Variants in SUGCT observed in about 807,000 individuals in gnomAD.
SUGCT encodes the protein succinyl-CoA:glutarate-CoA transferase.
SUGCT carries 41 observed loss-of-function variants against 55.0 expected under a neutral mutation model. That is an observed-to-expected ratio of 0.74 (90% confidence interval 0.58 to 0.97). SUGCT has a LOEUF of 0.97. Ranked by LOEUF, SUGCT falls within the 50% of genes least tolerant of loss-of-function variation. The pLI, the probability that SUGCT is intolerant of heterozygous loss-of-function variation, is 0.00. For missense variants in SUGCT, 568 were observed against 547.8 expected, an observed-to-expected ratio of 1.04 and a Z score of -0.37; for synonymous variants, 187 against 200.4, an observed-to-expected ratio of 0.93 and a Z score of 0.56.
intron 12 of SUGCT, among the ~76,000 whole-genome samples, chr7:40,499,960 A>C (rs1792191127): frequency 6.6e-6 from 1 of 152,206 alleles, no homozygotes; most frequent in South Asian, 2.1e-4. Flanking sequence ...CACACTTAAA[A>C]GAAAATACAG....
chr7:40,939,632 T>A, the SUGCT span, among the ~76,000 whole-genome samples: 1 of 152,170 alleles, frequency 6.6e-6, no homozygotes. Flanking sequence ...ATGTCCCTGA[T>A]GATTAGTGAT....
chr7:40,324,976 C>T (rs1192964247), intron 9 of SUGCT, among the ~76,000 whole-genome samples: 2 of 152,198 alleles, frequency 1.3e-5, no homozygotes, highest in African/African-American at 4.8e-5. Flanking sequence ...AAAATAACAT[C>T]TTCCTTGTTC....
the SUGCT span, among the ~76,000 whole-genome samples, chr7:40,998,902 A>C: frequency 6.6e-6 from 1 of 152,252 alleles, no homozygotes; most frequent in South Asian, 2.1e-4. Context: ...CACTATGCAG[A>C]AAATGTGTTG....
intron 11 of SUGCT, among the ~76,000 whole-genome samples, chr7:40,459,601 A>G (rs1442770722): frequency 6.6e-6 from 1 of 152,170 alleles, no homozygotes; most frequent in Non-Finnish European, 1.5e-5. Context: ...CCTCATAATT[A>G]TCCTGTGAGG....
At chr7:40,810,024 C>T (rs1791321420) in intron 13 of SUGCT, among the ~76,000 whole-genome samples, 2 of 152,006 alleles carry the variant, frequency 1.3e-5, no homozygotes, top group Non-Finnish European at 2.9e-5. Flanking sequence ...TGATCTAATC[C>T]ATCTTTCATA....
chr7:41,012,455 T>C, the SUGCT span, among the ~76,000 whole-genome samples: 3 of 152,102 alleles, frequency 2.0e-5, no homozygotes, highest in African/African-American at 7.2e-5. Flanking sequence ...ACCTGTAAAA[T>C]AGGAACAATA....
At chr7:40,196,170 A>G (rs1786280382) in intron 6 of SUGCT, among the ~76,000 whole-genome samples, 1 of 152,180 alleles carries the variant, frequency 6.6e-6, no homozygotes, top group Non-Finnish European at 1.5e-5. Context: ...ATATGCATGT[A>G]TGTGTATGTT....
chr7:40,450,128 A>G (rs903010588), intron 10 of SUGCT, among the ~76,000 whole-genome samples: 5 of 152,164 alleles, frequency 3.3e-5, no homozygotes, highest in South Asian at 2.1e-4. Flanking sequence ...TGGTTTCACT[A>G]TGCTGGCCAG....
At chr7:40,822,303 A>G (rs936034028) in intron 13 of SUGCT, among the ~76,000 whole-genome samples, 7 of 152,152 alleles carry the variant, frequency 4.6e-5, no homozygotes, top group Non-Finnish European at 1.0e-4. Context: ...AGCTGAGTTC[A>G]ATTCCTGGAT....
chr7:40,736,959 A>T (rs2128700911), intron 12 of SUGCT, among the ~76,000 whole-genome samples: 1 of 152,322 alleles, frequency 6.6e-6, no homozygotes, highest in East Asian at 1.9e-4. Context: ...GCATACAGTA[A>T]GCTAAAAATC....
chr7:40,577,092 C>T (rs999395042), intron 12 of SUGCT, among the ~76,000 whole-genome samples: 4 of 152,186 alleles, frequency 2.6e-5, no homozygotes, highest in African/African-American at 9.7e-5. Context: ...ACCTGTATGT[C>T]AAGACCACCA....
the SUGCT span, among the ~76,000 whole-genome samples, chr7:40,984,171 T>G: frequency 6.6e-6 from 1 of 152,116 alleles, no homozygotes; most frequent in Admixed American, 6.5e-5. Context: ...TACATCAGGG[T>G]TCCTCCCAAA....
chr7:40,557,131 C>T (rs143230898), intron 12 of SUGCT, among the ~76,000 whole-genome samples: 1,550 of 152,202 alleles, frequency 0.01, 11 homozygotes, highest in Non-Finnish European at 0.015. Context: ...ATCTGACAGA[C>T]GGACAAGCAT....
Position 40,723,664 on chromosome 7 carries a change from C to T in SUGCT, c.1090-25770C>T, listed in dbSNP as rs1786465881. Reference sequence around the variant, plus strand: ...GACTTTGAATTAAATCACGAAACCACAGGAAATCTCTAATTTGTTTTTAAG... The same window carrying T: ...GACTTTGAATTAAATCACGAAACCATAGGAAATCTCTAATTTGTTTTTAAG... On this transcript the variant is annotated intron_variant, in intron 12 of 13. Coordinates refer to ENST00000335693, the MANE Select transcript of SUGCT (RefSeq NM_001193313.2). Among the ~76,000 whole-genome samples the T allele has an allele frequency of 2.0e-5, 3 of 152,118 alleles. No individual in the cohort carries two copies. In the South Asian group the frequency reaches 6.2e-4, roughly 32 times the overall value.
chr7:41,035,988 G>A, the SUGCT span, among the ~76,000 whole-genome samples: 45 of 152,318 alleles, frequency 3.0e-4, no homozygotes, highest in Admixed American at 8.5e-4. Context: ...CTGTGGTTTT[G>A]TCTCACATCC....
intron 13 of SUGCT, among the ~76,000 whole-genome samples, chr7:40,788,743 A>G (rs1464559216): frequency 1.3e-5 from 2 of 152,198 alleles, no homozygotes; most frequent in African/African-American, 4.8e-5. Context: ...CAGGCCTGCT[A>G]CAGCCTCCCC....
intron 12 of SUGCT, among the ~76,000 whole-genome samples, chr7:40,509,101 A>G (rs968192353): frequency 1.6e-4 from 24 of 152,128 alleles, no homozygotes; most frequent in African/African-American, 5.8e-4. Flanking sequence ...TTTCTGGACT[A>G]ACAAAGTCCG....
intron 12 of SUGCT, among the ~76,000 whole-genome samples, chr7:40,519,658 A>G (rs1029385191): frequency 1.3e-5 from 2 of 152,066 alleles, no homozygotes; most frequent in African/African-American, 2.4e-5. Flanking sequence ...GAGAATAGAA[A>G]GTATAATAAA....
the SUGCT span, among the ~76,000 whole-genome samples, chr7:41,000,241 CACATGTGCAA>C: frequency 6.6e-6 from 1 of 151,998 alleles, no homozygotes; most frequent in African/African-American, 2.4e-5. Flanking sequence ...GATGCATGAA[CACATGTGCAA>C]ACAGGCATGC....
Sources: allele counts gnomAD v4.1 joint callset (sites outside exome capture counted in the v4.1 genomes callset), GRCh38; gene constraint gnomAD v4.1.1; transcripts MANE v1.5; gene names NCBI Gene and HGNC (gene_info 2026-07-23, HGNC 2026-07-21).